Variants in SH3PXD2A observed in about 807,000 individuals in gnomAD.
SH3PXD2A encodes SH3 and PX domain-containing protein 2A.
Under a neutral mutation model 115.2 loss-of-function variants are expected in SH3PXD2A, and 32 were observed. The ratio of observed to expected loss-of-function variants is 0.28; its 90% CI spans 0.21 to 0.37. The LOEUF (loss-of-function observed/expected upper bound fraction) is 0.37. SH3PXD2A is among the 10% of genes least tolerant of loss of function. The pLI is 1.00. For missense variants in SH3PXD2A, 1,328 were observed against 1,498.7 expected (o/e 0.89, Z 1.88); for synonymous variants, 610 against 629.1 (o/e 0.97, Z 0.45).
At chr10:103,738,553 GAGATAC>G (rs140896603) in intron 3 of SH3PXD2A, among the ~76,000 whole-genome samples, 4,712 of 152,124 alleles carry the variant, frequency 0.031, 225 homozygotes, top group African/African-American at 0.1. Context: ...AGGACTGTCT[GAGATAC>G]AGAGGAAACC....
chr10:103,596,635 A>ACC lies in SH3PXD2A; in HGVS notation c.*5180_*5181insGG, dbSNP rs2036136511. 1.0e-4 allele frequency: 4 copies of ACC among 38,308 alleles called. No individual in the cohort carries two copies. The East Asian group carries it at 1.7e-3, about 17-fold the overall frequency. The allele number at this position is 38,308 out of a possible 1,614,324, so 2.4% of individuals were successfully genotyped here. ...AAGTTACCAACACTTGCATACACAG[A>ACC]CACACACACACACACACACACACAC... is the stretch of plus-strand genomic sequence containing the variant. On this transcript the variant is annotated 3_prime_UTR_variant, in exon 15 of 15. Coordinates refer to ENST00000369774, the MANE Select transcript of SH3PXD2A (RefSeq NM_001394015.1).
At chr10:103,696,584 C>T (rs1035344752) in intron 5 of SH3PXD2A, among the ~76,000 whole-genome samples, 5 of 152,168 alleles carry the variant, frequency 3.3e-5, no homozygotes, top group African/African-American at 9.7e-5. Context: ...CCCACCCTGC[C>T]GGTGACTCCA....
chr10:103,622,193 C>T (rs2036616892), intron 10 of SH3PXD2A, among the ~76,000 whole-genome samples: 1 of 152,158 alleles, frequency 6.6e-6, no homozygotes, highest in Non-Finnish European at 1.5e-5. Flanking sequence ...CCTTGTCCCC[C>T]TCCTCAAGCC....
At chr10:103,687,090 C>A (rs1564863991) in intron 6 of SH3PXD2A, among the ~76,000 whole-genome samples, 3 of 152,080 alleles carry the variant, frequency 2.0e-5, no homozygotes, top group Non-Finnish European at 2.9e-5. Flanking sequence ...GACCGGATGA[C>A]TTTAAGTAAG....
chr10:103,783,887 C>T (rs1036605853), intron 2 of SH3PXD2A, among the ~76,000 whole-genome samples: 5 of 152,246 alleles, frequency 3.3e-5, no homozygotes, highest in African/African-American at 9.6e-5. Context: ...TGAGGCGAGC[C>T]GCCCGGGGCA....
rs371622215 is a variant in SH3PXD2A at position 103,822,769 on chromosome 10, A to G, written c.73-21407T>C. The stretch of plus-strand genomic sequence containing the variant: ...CCAAAGTAATAAGCTGAACCACCCA[A>G]AAAAATTTTTAAATGGACCAAGAAT... On this transcript the variant is annotated intron_variant, in intron 1 of 14. Coordinates refer to ENST00000369774, the MANE Select transcript of SH3PXD2A (RefSeq NM_001394015.1). 1.4e-4 allele frequency among the ~76,000 whole-genome samples: 22 copies of G among 152,350 alleles called. No homozygotes were observed. In the East Asian group the frequency reaches 3.5e-3, roughly 24 times the overall value.
chr10:103,739,808 A>G (rs2038424212), intron 3 of SH3PXD2A, among the ~76,000 whole-genome samples: 1 of 152,224 alleles, frequency 6.6e-6, no homozygotes, highest in South Asian at 2.1e-4. Flanking sequence ...GAAGCTGTGC[A>G]GCTGCGACGT....
chr10:103,697,530 GGTCTCTGTCTA>G (rs2037839114), intron 5 of SH3PXD2A, among the ~76,000 whole-genome samples: 1 of 152,130 alleles, frequency 6.6e-6, no homozygotes, highest in African/African-American at 2.4e-5. Context: ...AACAACCACT[GGTCTCTGTCTA>G]GCGCCGAGCA....
chr10:103,613,233 C>T, intron 11 of SH3PXD2A, 43 bp from the exon 12 acceptor site: 4 of 1,443,304 alleles, frequency 2.8e-6, no homozygotes, highest in Non-Finnish European at 3.8e-6. Context: ...AGCACTCTGA[C>T]CTCACAGCCC....
chr10:103,635,060 GCACT>G (rs2036843793), intron 8 of SH3PXD2A, among the ~76,000 whole-genome samples: 1 of 152,196 alleles, frequency 6.6e-6, no homozygotes, highest in South Asian at 2.1e-4. Context: ...GCATCAGGAG[GCACT>G]CACTCATCTG....
intron 1 of SH3PXD2A, among the ~76,000 whole-genome samples, chr10:103,853,249 A>T (rs1231774823): frequency 6.6e-6 from 1 of 152,234 alleles, no homozygotes; most frequent in African/African-American, 2.4e-5. Context: ...ACAAGTTATT[A>T]TCAATCTTAA....
At position 103,627,225 on chromosome 10, in the gene SH3PXD2A, C is replaced by T; in HGVS notation, c.605-23G>A. 2 of 1,445,708 alleles carry T rather than the reference C, an allele frequency of 1.4e-6. No individual in the cohort carries two copies. Among genetic ancestry groups the T allele is most frequent in the Non-Finnish European group, 1.9e-6 (2 of 1,027,660 alleles). The allele number at this position is 1,445,708 out of a possible 1,614,324, so 89.6% of individuals were successfully genotyped here. On this transcript the variant is annotated intron_variant, in intron 8 of 14. Coordinates refer to ENST00000369774, the MANE Select transcript of SH3PXD2A (RefSeq NM_001394015.1). This position sits in a 1 kb window ranked among gnomAD's most constrained non-coding sequence, Gnocchi z 4.4. The stretch of plus-strand genomic sequence containing the variant: ...AGCCTGCAGGGAGGACAAGAGAGAA[C>T]AGGACTGTGAGATTCTGCAGGGTGG...
At chr10:103,690,964 G>A (rs1592303285) in intron 6 of SH3PXD2A, among the ~76,000 whole-genome samples, 1 of 152,316 alleles carries the variant, frequency 6.6e-6, no homozygotes, top group South Asian at 2.1e-4. Context: ...TTTTCCTGGC[G>A]TGAGAGTGGA....
intron 8 of SH3PXD2A, among the ~76,000 whole-genome samples, chr10:103,640,597 G>GCA (rs2036940437): frequency 6.6e-6 from 1 of 152,216 alleles, no homozygotes; most frequent in African/African-American, 2.4e-5. Context: ...AATCGTGGGA[G>GCA]ACATGGAGAT....
intron 13 of SH3PXD2A, among the ~76,000 whole-genome samples, chr10:103,607,489 C>T (rs2036337909): frequency 6.6e-6 from 1 of 150,560 alleles, no homozygotes; most frequent in Admixed American, 6.6e-5. Flanking sequence ...AGGTGAGGAG[C>T]CCCTCTGCCC....
intron 2 of SH3PXD2A, among the ~76,000 whole-genome samples, chr10:103,791,255 A>G (rs879505161): frequency 4.6e-5 from 7 of 152,204 alleles, no homozygotes; most frequent in Non-Finnish European, 7.3e-5. Flanking sequence ...TTGATTTTCT[A>G]CTGCACAAAT....
At chr10:103,805,235 T>C (rs2039190235) in intron 1 of SH3PXD2A, among the ~76,000 whole-genome samples, 1 of 152,166 alleles carries the variant, frequency 6.6e-6, no homozygotes, top group Non-Finnish European at 1.5e-5. Flanking sequence ...GGGAGACCTC[T>C]CCTTTAGCAG....
At chr10:103,656,992 A>G (rs998181201) in intron 8 of SH3PXD2A, among the ~76,000 whole-genome samples, 11 of 151,750 alleles carry the variant, frequency 7.2e-5, no homozygotes, top group African/African-American at 2.7e-4. Flanking sequence ...CTCTTGAGAA[A>G]GTCTGAGTGA....
At chr10:103,696,289 T>C (rs1174171378) in intron 5 of SH3PXD2A, among the ~76,000 whole-genome samples, 1 of 152,218 alleles carries the variant, frequency 6.6e-6, no homozygotes, top group Non-Finnish European at 1.5e-5. Context: ...AGCCATTTCA[T>C]ATTTTTAGCT....
Sources: gnomAD v4.1 joint callset for allele counts (sites outside exome capture counted in the v4.1 genomes callset) on GRCh38, gnomAD v4.1.1 for gene constraint, Gnocchi (gnomAD v3.1) non-coding constraint, MANE v1.5 for transcripts, NCBI Gene and HGNC (gene_info 2026-07-23, HGNC 2026-07-21) for gene names.